The following NHEJ1 variants were observed in gnomAD, a reference collection of about 807,000 sequenced individuals.
NHEJ1 encodes non-homologous end-joining factor 1.
NHEJ1 carries 22 observed loss-of-function variants against 39.4 expected under a neutral mutation model. The ratio of observed to expected loss-of-function variants is 0.56; its 90% CI spans 0.40 to 0.80. NHEJ1 has a LOEUF of 0.80. NHEJ1 is among the 30% of genes least tolerant of loss of function. The pLI is 0.00. For synonymous variants in NHEJ1, 154 were observed against 135.6 expected (o/e 1.14, Z -0.94); for missense variants, 329 against 357.1 (o/e 0.92, Z 0.63).
At chr2:219,136,249 G>C (rs1039062213) in intron 5 of NHEJ1, among the ~76,000 whole-genome samples, 1 of 150,498 alleles carries the variant, frequency 6.6e-6, no homozygotes. Context: ...CTTTTTCTGA[G>C]ACAGTGTCTT....
chr2:219,101,273 T>TAC (rs1949257888), intron 5 of NHEJ1, among the ~76,000 whole-genome samples: 2 of 152,010 alleles, frequency 1.3e-5, no homozygotes, highest in African/African-American at 2.4e-5. Context: ...TACCACCACA[T>TAC]CTAGCTAATT....
intron 3 of NHEJ1, 121 bp downstream of exon 3, chr2:219,157,351 G>T: frequency 1.2e-6 from 1 of 833,154 alleles, no homozygotes; most frequent in Non-Finnish European, 2.0e-6. Context: ...TTTAGTCAAG[G>T]AAAGTTTTCT....
intron 5 of NHEJ1, among the ~76,000 whole-genome samples, 195 bp downstream of exon 5, chr2:219,146,485 C>T (rs576621993): frequency 9.2e-5 from 14 of 152,324 alleles, no homozygotes; most frequent in African/African-American, 2.2e-4. Context: ...CCGCCTCTTA[C>T]GTTCTTTCCC....
In NHEJ1 at chr2:219,146,750, A is replaced by T. The variant is rs770863790; in HGVS notation, c.530-12T>A. ...TGTCTTCAATCGATCTGTAATAAGA[A>T]GGATCAGAAAAAAGAAATATGAGTC... On this transcript the variant is annotated splice_polypyrimidine_tract_variant and intron_variant, in intron 4 of 7. Coordinates refer to ENST00000356853, the MANE Select transcript of NHEJ1 (RefSeq NM_024782.3). The T allele has an allele frequency of 6.2e-7, 1 of 1,604,036 alleles. No individual in the cohort carries two copies.
At chr2:219,114,987 G>A (rs1394356310) in intron 5 of NHEJ1, among the ~76,000 whole-genome samples, 1 of 152,144 alleles carries the variant, frequency 6.6e-6, no homozygotes, top group Non-Finnish European at 1.5e-5. Flanking sequence ...GTGAGAGGGG[G>A]AAAGAGCCTC....
intron 6 of NHEJ1, among the ~76,000 whole-genome samples, chr2:219,077,827 G>A (rs537649810): frequency 6.6e-6 from 1 of 152,132 alleles, no homozygotes; most frequent in East Asian, 1.9e-4. Context: ...TAAGTACCTA[G>A]ACCAGTGCCA....
At chr2:219,152,734 T>C (rs1000283917) in intron 3 of NHEJ1, among the ~76,000 whole-genome samples, 2 of 152,010 alleles carry the variant, frequency 1.3e-5, no homozygotes, top group African/African-American at 4.8e-5. Flanking sequence ...CCCAAACTGG[T>C]GGGACTACAG....
intron 5 of NHEJ1, among the ~76,000 whole-genome samples, chr2:219,092,228 A>C (rs569081998): frequency 1.3e-3 from 192 of 152,102 alleles, no homozygotes; most frequent in African/African-American, 3.9e-3. Context: ...TGGGAGTTCA[A>C]GGCTGCAGTG....
chr2:219,096,361 C>G (rs1574709353), intron 5 of NHEJ1, among the ~76,000 whole-genome samples: 1 of 152,180 alleles, frequency 6.6e-6, no homozygotes, highest in East Asian at 1.9e-4. Context: ...GCAATCATGC[C>G]TAAAAGTAGA....
chr2:219,152,764 G>C (rs1446001276), intron 3 of NHEJ1, among the ~76,000 whole-genome samples: 1 of 137,888 alleles, frequency 7.3e-6, no homozygotes, highest in Non-Finnish European at 1.6e-5. Flanking sequence ...ATCATCCCCG[G>C]GATCTCTTTC....
chr2:219,117,662 C>T (rs887019933), intron 5 of NHEJ1, among the ~76,000 whole-genome samples: 1 of 152,356 alleles, frequency 6.6e-6, no homozygotes, highest in Admixed American at 6.5e-5. Context: ...CTTATGGGCT[C>T]CAAAGGGAAG....
At chr2:219,126,715 T>G (rs534257845) in intron 5 of NHEJ1, among the ~76,000 whole-genome samples, 1 of 152,034 alleles carries the variant, frequency 6.6e-6, no homozygotes, top group African/African-American at 2.4e-5. Context: ...TGGCCTACGA[T>G]AGAGCAAACA....
chr2:219,134,045 T>G (rs150049754), intron 5 of NHEJ1, among the ~76,000 whole-genome samples: 1 of 152,318 alleles, frequency 6.6e-6, no homozygotes, highest in Admixed American at 6.5e-5. Flanking sequence ...TCCTTCTCAT[T>G]GTGAAACTTC....
At chr2:219,118,901 G>T (rs1949443371) in intron 5 of NHEJ1, among the ~76,000 whole-genome samples, 1 of 152,170 alleles carries the variant, frequency 6.6e-6, no homozygotes, top group African/African-American at 2.4e-5. Flanking sequence ...GGGAGCTGGG[G>T]CCCGCTCCAG....
At chr2:219,108,734 TC>T (rs1184173983) in intron 5 of NHEJ1, among the ~76,000 whole-genome samples, 1 of 152,114 alleles carries the variant, frequency 6.6e-6, no homozygotes, top group Non-Finnish European at 1.5e-5. Context: ...AATACTGTTT[TC>T]CCCCTAGAGA....
intron 5 of NHEJ1, among the ~76,000 whole-genome samples, chr2:219,107,779 T>C (rs547761521): frequency 1.3e-5 from 2 of 152,112 alleles, no homozygotes; most frequent in African/African-American, 2.4e-5. Context: ...CCAGAGTCCA[T>C]ACTGGTTCTA....
At chr2:219,121,811 C>A (rs1473375481) in intron 5 of NHEJ1, among the ~76,000 whole-genome samples, 3 of 150,756 alleles carry the variant, frequency 2.0e-5, no homozygotes, top group African/African-American at 7.3e-5. Context: ...GGGCAATAGA[C>A]CCTATCTTAA....
At chr2:219,146,833 G>C (rs1420088194) in intron 4 of NHEJ1, 95 bp from the exon 5 acceptor site, 2 of 961,466 alleles carry the variant, frequency 2.1e-6, no homozygotes, top group East Asian at 2.4e-5. Flanking sequence ...ACTTAGGAAA[G>C]AGGAGGAAGG....
intron 5 of NHEJ1, among the ~76,000 whole-genome samples, chr2:219,134,689 C>T (rs1343495581): frequency 1.3e-5 from 2 of 152,094 alleles, no homozygotes; most frequent in Admixed American, 6.6e-5. Context: ...GAGCTTCAAC[C>T]CTAGTTTTTC....
Sources: allele counts gnomAD v4.1 joint callset (sites outside exome capture counted in the v4.1 genomes callset), GRCh38; gene constraint gnomAD v4.1.1; transcripts MANE v1.5; gene names NCBI Gene and HGNC (gene_info 2026-07-23, HGNC 2026-07-21).